Variants in DYRK1A observed in about 807,000 individuals in gnomAD.
DYRK1A encodes dual specificity tyrosine-phosphorylation-regulated kinase 1A.
In DYRK1A, 9 loss-of-function variants were observed where a neutral mutation model predicts 79.7. The observed-to-expected ratio is 0.11, with a 90% CI of 0.07 to 0.20. The LOEUF (loss-of-function observed/expected upper bound fraction) is 0.20. DYRK1A is among the 10% of genes least tolerant of loss of function. DYRK1A has a pLI of 1.00. For synonymous variants in DYRK1A, 349 were observed against 329.7 expected, an observed-to-expected ratio of 1.06 and a Z score of -0.63; for missense variants, 622 against 956.0, an observed-to-expected ratio of 0.65 and a Z score of 4.61.
chr21:37,391,006 T>C (rs1018748937), intron 1 of DYRK1A, among the ~76,000 whole-genome samples: 5 of 152,238 alleles, frequency 3.3e-5, no homozygotes, highest in African/African-American at 1.2e-4. Flanking sequence ...TTTCCTCATA[T>C]TAGATACAGA....
intron 11 of DYRK1A, among the ~76,000 whole-genome samples, chr21:37,507,167 C>G (rs1372077444): frequency 2.0e-5 from 3 of 152,156 alleles, no homozygotes; most frequent in Non-Finnish European, 4.4e-5. Context: ...ATACATGATC[C>G]TGCCTATGTG....
At chr21:37,510,300 T>C (rs1202361010) in intron 11 of DYRK1A, among the ~76,000 whole-genome samples, 1 of 152,226 alleles carries the variant, frequency 6.6e-6, no homozygotes, top group Non-Finnish European at 1.5e-5. Flanking sequence ...CATATAGTAT[T>C]TTCTGAGAAC....
At chr21:37,439,694 T>C (rs573541378) in intron 2 of DYRK1A, among the ~76,000 whole-genome samples, 1 of 152,324 alleles carries the variant, frequency 6.6e-6, no homozygotes, top group African/African-American at 2.4e-5. Flanking sequence ...ATGGAAAAAC[T>C]GTCCTCCATG....
intron 1 of DYRK1A, among the ~76,000 whole-genome samples, chr21:37,384,675 AG>A (rs1434217026): frequency 1.3e-5 from 2 of 152,228 alleles, no homozygotes; most frequent in Non-Finnish European, 2.9e-5. Flanking sequence ...ACTCATAATT[AG>A]GAGATCAAGC....
chr21:37,415,794 T>C (rs948309355), intron 1 of DYRK1A, among the ~76,000 whole-genome samples: 2 of 152,178 alleles, frequency 1.3e-5, no homozygotes, highest in Admixed American at 6.5e-5. Flanking sequence ...AGGGAAAATA[T>C]AGCAATCTGT....
Position 37,366,852 on chromosome 21 carries a change from GC to G in DYRK1A, c.-849del, listed in dbSNP as rs2049315994. The G allele has an allele frequency of 6.6e-6, 1 of 152,230 alleles. No homozygotes were observed. The highest frequency in any genetic ancestry group is 2.0e-4 in the South Asian group (1 of 4,880). The allele number at this position is 152,230 out of a possible 1,614,324, so 9.4% of individuals were successfully genotyped here. On this transcript the variant is annotated 5_prime_UTR_variant, in exon 1 of 12. Coordinates refer to ENST00000647188, the MANE Select transcript of DYRK1A (RefSeq NM_001347721.2). Reference sequence around the variant, plus strand: ...CTTCCCGCCCGAATAATAATAAAAAGCCCCATTGGAGTGAGGCGGGGGTGGC... The same window carrying G: ...CTTCCCGCCCGAATAATAATAAAAAGCCCATTGGAGTGAGGCGGGGGTGGC...
At chr21:37,436,550 T>C (rs2050930734) in intron 2 of DYRK1A, among the ~76,000 whole-genome samples, 1 of 152,210 alleles carries the variant, frequency 6.6e-6, no homozygotes, top group Non-Finnish European at 1.5e-5. Flanking sequence ...TCCCTCCCAT[T>C]GGCCCTAAAG....
chr21:37,445,135 C>T (rs2051226361), intron 2 of DYRK1A, among the ~76,000 whole-genome samples: 1 of 152,156 alleles, frequency 6.6e-6, no homozygotes, highest in African/African-American at 2.4e-5. Flanking sequence ...TGATAGTTTT[C>T]TTTAAATCTA....
intron 1 of DYRK1A, among the ~76,000 whole-genome samples, chr21:37,372,097 T>C (rs370863723): frequency 2.6e-5 from 4 of 152,020 alleles, no homozygotes; most frequent in Admixed American, 2.0e-4. Flanking sequence ...CCGTAAAATG[T>C]TATGGACATG....
chr21:37,397,207 G>A (rs935927441), intron 1 of DYRK1A, among the ~76,000 whole-genome samples: 5 of 152,316 alleles, frequency 3.3e-5, no homozygotes, highest in Non-Finnish European at 7.3e-5. Flanking sequence ...CATGTGCTGG[G>A]CTACCATTAC....
intron 1 of DYRK1A, among the ~76,000 whole-genome samples, chr21:37,406,813 CTA>C (rs1365623051): frequency 6.9e-6 from 1 of 145,198 alleles, no homozygotes; most frequent in Non-Finnish European, 1.5e-5. Flanking sequence ...TTATATATAT[CTA>C]TTTATATATG....
At chr21:37,444,663 G>A (rs1365398166) in intron 2 of DYRK1A, among the ~76,000 whole-genome samples, 1 of 152,134 alleles carries the variant, frequency 6.6e-6, no homozygotes, top group African/African-American at 2.4e-5. Flanking sequence ...ATGATGCCAA[G>A]CCTGGGTGCA....
At chr21:37,405,410 C>T (rs898582443) in intron 1 of DYRK1A, among the ~76,000 whole-genome samples, 2 of 152,178 alleles carry the variant, frequency 1.3e-5, no homozygotes, top group Admixed American at 6.5e-5. Context: ...GTCAAGTCAT[C>T]CCACCTCTGT....
chr21:37,479,974 C>T (rs774380685), intron 4 of DYRK1A, among the ~76,000 whole-genome samples: 14 of 151,924 alleles, frequency 9.2e-5, no homozygotes, highest in African/African-American at 2.7e-4. Flanking sequence ...TAACCATAGG[C>T]GTATGGTCTT....
chr21:37,489,780 T>G (rs2053013700), intron 6 of DYRK1A, among the ~76,000 whole-genome samples: 2 of 152,062 alleles, frequency 1.3e-5, no homozygotes, highest in Admixed American at 1.3e-4. Context: ...TAGGTGGAGC[T>G]TAGACATAGG....
At chr21:37,403,462 A>G (rs1281442027) in intron 1 of DYRK1A, among the ~76,000 whole-genome samples, 1 of 151,868 alleles carries the variant, frequency 6.6e-6, no homozygotes, top group East Asian at 1.9e-4. Context: ...TTAAAAAACA[A>G]CAACAGAGGC....
At chr21:37,432,388 A>G (rs1231956756) in intron 2 of DYRK1A, among the ~76,000 whole-genome samples, 1 of 152,180 alleles carries the variant, frequency 6.6e-6, no homozygotes, top group Admixed American at 6.5e-5. Context: ...AAGAAGCAGG[A>G]TTGCCCTTAG....
intron 1 of DYRK1A, among the ~76,000 whole-genome samples, chr21:37,401,832 G>T (rs1338250077): frequency 6.6e-6 from 1 of 152,070 alleles, no homozygotes; most frequent in Non-Finnish European, 1.5e-5. Context: ...GTAATGAAAG[G>T]TTCTTTGTAT....
At chr21:37,459,944 A>G (rs1239114938) in intron 2 of DYRK1A, among the ~76,000 whole-genome samples, 1 of 152,190 alleles carries the variant, frequency 6.6e-6, no homozygotes, top group African/African-American at 2.4e-5. Context: ...ATTTGGGAGC[A>G]TTAGGTCAAG....
Sources: gnomAD v4.1 joint callset for allele counts (sites outside exome capture counted in the v4.1 genomes callset) on GRCh38, gnomAD v4.1.1 for gene constraint, MANE v1.5 for transcripts, NCBI Gene and HGNC (gene_info 2026-07-23, HGNC 2026-07-21) for gene names.